The following CFAP263 variants were observed in gnomAD, a reference collection of about 807,000 sequenced individuals.
CFAP263 encodes the protein cilia and flagella associated protein 263, also known as cilia- and flagella-associated protein 263.
chr16:58,252,280 G>A, the CFAP263 span, among the ~76,000 whole-genome samples: 2 of 152,048 alleles, frequency 1.3e-5, no homozygotes, highest in Admixed American at 6.5e-5. Flanking sequence ...TGAGGCAGGA[G>A]GATTGCTTGA....
At chr16:58,264,587 GA>G in the CFAP263 span, among the ~76,000 whole-genome samples, 2 of 152,146 alleles carry the variant, frequency 1.3e-5, no homozygotes, top group African/African-American at 4.8e-5. Context: ...TCACCTCTTG[GA>G]GGCAAGTTTT....
At chr16:58,280,739 T>C in the CFAP263 span, 18 of 1,606,032 alleles carry the variant, frequency 1.1e-5, no homozygotes, top group Non-Finnish European at 1.4e-5. Flanking sequence ...TGGCACATCA[T>C]TGGGCTTCCT....
At chr16:58,262,787 A>ATAGATAGATAGGTAGATAGATAGATAGG in the CFAP263 span, among the ~76,000 whole-genome samples, 1 of 150,350 alleles carries the variant, frequency 6.7e-6, no homozygotes, top group Non-Finnish European at 1.5e-5. Context: ...AGATAGATAG[A>ATAGATAGATAGGTAGATAGATAGATAGG]TAGATAGATA....
the CFAP263 span, among the ~76,000 whole-genome samples, chr16:58,256,879 T>C: frequency 6.6e-6 from 1 of 152,118 alleles, no homozygotes; most frequent in South Asian, 2.1e-4. Context: ...CAATCTATGT[T>C]GTAGAATGTT....
chr16:58,278,385 C>T, the CFAP263 span: 6 of 1,056,172 alleles, frequency 5.7e-6, no homozygotes, highest in African/African-American at 7.9e-5. Context: ...ATTTTTGGAA[C>T]TCTATTGGAA....
At chr16:58,266,736 C>T in the CFAP263 span, among the ~76,000 whole-genome samples, 3 of 152,114 alleles carry the variant, frequency 2.0e-5, no homozygotes, top group African/African-American at 7.2e-5. Flanking sequence ...TCCCCACTGA[C>T]AGAGAGTGGT....
the CFAP263 span, chr16:58,249,976 T>G: frequency 7.1e-7 from 1 of 1,398,952 alleles, no homozygotes; most frequent in Non-Finnish European, 1.0e-6. Flanking sequence ...CCGGAGCTCC[T>G]GGGCACACGG....
chr16:58,279,963 C>T, the CFAP263 span: 1 of 620,934 alleles, frequency 1.6e-6, no homozygotes, highest in Non-Finnish European at 2.8e-6. Context: ...GCCCCTGGAA[C>T]TGTTACCACT....
the CFAP263 span, among the ~76,000 whole-genome samples, chr16:58,251,725 A>G: frequency 6.6e-6 from 1 of 152,270 alleles, no homozygotes; most frequent in Non-Finnish European, 1.5e-5. Flanking sequence ...AACAGGAATT[A>G]TTAAAAGTAA....
the CFAP263 span, chr16:58,254,242 T>A: frequency 6.9e-7 from 1 of 1,442,574 alleles, no homozygotes; most frequent in Non-Finnish European, 9.6e-7. Flanking sequence ...TGGGTTCATG[T>A]GATTGTTGGG....
the CFAP263 span, chr16:58,252,638 G>C: frequency 4.4e-6 from 5 of 1,147,896 alleles, no homozygotes; most frequent in Non-Finnish European, 6.4e-6. Context: ...GGGGCTAACG[G>C]GTTTTGCAGG....
chr16:58,250,006 G>T, the CFAP263 span: 1 of 1,571,192 alleles, frequency 6.4e-7, no homozygotes. Flanking sequence ...GGGCCGCTTC[G>T]GCAGAGTGAT....
At chr16:58,266,507 T>C in the CFAP263 span, among the ~76,000 whole-genome samples, 4 of 150,310 alleles carry the variant, frequency 2.7e-5, no homozygotes, top group Non-Finnish European at 5.9e-5. Flanking sequence ...CATTTCTTCT[T>C]GAAATTATTT....
the CFAP263 span, among the ~76,000 whole-genome samples, chr16:58,257,080 G>C: frequency 1.4e-5 from 1 of 73,040 alleles, no homozygotes; most frequent in Non-Finnish European, 2.6e-5. Context: ...TGCAGTGGCG[G>C]GATCTCGGCT....
At chr16:58,272,679 A>G in the CFAP263 span, among the ~76,000 whole-genome samples, 1 of 151,396 alleles carries the variant, frequency 6.6e-6, no homozygotes, top group Admixed American at 6.6e-5. Context: ...GTATTACATT[A>G]TTTATTTTGT....
At chr16:58,256,290 G>A in the CFAP263 span, among the ~76,000 whole-genome samples, 5 of 152,042 alleles carry the variant, frequency 3.3e-5, no homozygotes, top group South Asian at 2.1e-4. Flanking sequence ...ATCCTGACCC[G>A]CTAGGTTGTG....
chr16:58,260,820 C>G, the CFAP263 span, among the ~76,000 whole-genome samples: 111,158 of 152,128 alleles, frequency 0.73, 41,365 homozygotes, highest in African/African-American at 0.88. Context: ...AAAGACCTCA[C>G]CAAGCTGGGA....
chr16:58,256,303 AT>A, the CFAP263 span, among the ~76,000 whole-genome samples: 1 of 152,218 alleles, frequency 6.6e-6, no homozygotes, highest in Non-Finnish European at 1.5e-5. Context: ...AGGTTGTGCA[AT>A]GTGAGCATCA....
chr16:58,262,379 C>T, the CFAP263 span: 1 of 1,596,032 alleles, frequency 6.3e-7, no homozygotes, highest in Non-Finnish European at 8.6e-7. Flanking sequence ...TCTTTCTGAG[C>T]TGTAGAAGGA....
Sources: gnomAD v4.1 joint callset for allele counts (sites outside exome capture counted in the v4.1 genomes callset) on GRCh38, gnomAD v4.1.1 for gene constraint, MANE v1.5 for transcripts, NCBI Gene and HGNC (gene_info 2026-07-23, HGNC 2026-07-21) for gene names.